The following PPP2R3A variants were observed in gnomAD, a reference collection of about 807,000 sequenced individuals.
PPP2R3A encodes protein phosphatase 2 regulatory subunit B''alpha.
Under a neutral mutation model 106.9 loss-of-function variants are expected in PPP2R3A, and 80 were observed. The ratio of observed to expected loss-of-function variants is 0.75; its 90% confidence interval spans 0.62 to 0.90. The LOEUF is 0.90. Ranked by LOEUF, PPP2R3A falls within the 40% of genes least tolerant of loss-of-function variation. PPP2R3A has a pLI of 0.00. For synonymous variants in PPP2R3A, 483 were observed against 468.3 expected (o/e 1.03, Z -0.41); for missense variants, 1,386 against 1,350.4 (o/e 1.03, Z -0.41).
chr3:135,986,814 C>T (rs980383624), intron 1 of PPP2R3A, among the ~76,000 whole-genome samples: 1 of 152,172 alleles, frequency 6.6e-6, no homozygotes, highest in African/African-American at 2.4e-5. Flanking sequence ...TGTGCATGAA[C>T]ATATGCTTTT....
chr3:136,087,958 A>G, intron 9 of PPP2R3A, 27 bp downstream of exon 9: 2 of 1,563,038 alleles, frequency 1.3e-6, no homozygotes, highest in Non-Finnish European at 1.8e-6. Context: ...TGCTGTGTTT[A>G]AAAATGAACT....
intron 13 of PPP2R3A, among the ~76,000 whole-genome samples, chr3:136,140,129 T>G (rs1938798736): frequency 6.6e-6 from 1 of 152,080 alleles, no homozygotes; most frequent in Non-Finnish European, 1.5e-5. Flanking sequence ...AAATGGCCAG[T>G]TAACAGAAAA....
chr3:136,001,467 T>C lies in PPP2R3A; in HGVS notation c.-32T>C, dbSNP rs1933617144. The stretch of plus-strand genomic sequence containing the variant: ...TTTCATGAAACAAGTTCTAGAAAGT[T>C]CCAAGTCCCACCAGTAAGTGGATTT... On this transcript the variant is annotated 5_prime_UTR_variant, in exon 2 of 14. Transcript: ENST00000264977. 6.4e-7 allele frequency: 1 copy of C among 1,573,112 alleles called. No homozygotes were observed. Among genetic ancestry groups the C allele is most frequent in the Admixed American group, 1.8e-5 (1 of 56,866 alleles).
At chr3:136,092,483 G>T (rs929570883) in intron 10 of PPP2R3A, among the ~76,000 whole-genome samples, 2 of 152,040 alleles carry the variant, frequency 1.3e-5, no homozygotes, top group Non-Finnish European at 2.9e-5. Context: ...TTTTTCGATG[G>T]TTTTTATTTT....
At chr3:136,041,381 C>T (rs142375618) in intron 4 of PPP2R3A, among the ~76,000 whole-genome samples, 1 of 151,648 alleles carries the variant, frequency 6.6e-6, no homozygotes, top group East Asian at 1.9e-4. Context: ...CCTCAGCCTC[C>T]TAAGTAGCTG....
At chr3:136,120,975 TG>T (rs1054976049) in intron 13 of PPP2R3A, among the ~76,000 whole-genome samples, 36 of 152,082 alleles carry the variant, frequency 2.4e-4, no homozygotes, top group African/African-American at 6.0e-4. Context: ...GCACATACAC[TG>T]CTGGTGGATG....
In PPP2R3A at chr3:136,046,747, T is replaced by G. The variant is rs541414536; in HGVS notation, c.2367-2512T>G. ...ATCTCACTAGCTCCCCAGCAATGGT[T>G]GTTAATCAAATTAAAGCAGCTGAAA... On this transcript the variant is annotated intron_variant, in intron 4 of 13. Transcript: ENST00000264977. Among the ~76,000 whole-genome samples, 6 of 152,328 alleles carry G rather than the reference T, an allele frequency of 3.9e-5. No homozygotes were observed. In the South Asian group the frequency reaches 1.2e-3, roughly 32 times the overall value.
At chr3:136,130,281 A>C (rs4431046) in intron 13 of PPP2R3A, among the ~76,000 whole-genome samples, 111,288 of 152,058 alleles carry the variant, frequency 0.73, 41,314 homozygotes, top group East Asian at 0.87. Flanking sequence ...CGTCTCAGCC[A>C]AAAATCTCCT....
In PPP2R3A at chr3:136,003,311, C is replaced by G. The variant is rs771997215; in HGVS notation, c.1813C>G (p.Leu605Val). The change falls in exon 2 of 14, where the codon CTA (leucine) becomes GTA (valine). Residue 605 changes from leucine to valine, a missense_variant. Physicochemically the swap from Leu to Val is conservative, Grantham distance 32 (BLOSUM62 1). Coordinates refer to ENST00000264977, the MANE Select transcript of PPP2R3A (RefSeq NM_002718.5). ...AAGCATTGAAGACTTTGCTCAAGAA[C>G]TAGTTGAATGCAAATCAAGCAGAGG... is the stretch of plus-strand genomic sequence containing the variant. ...LESIEDFAQE[L>V]VECKSSRGSL... 6.2e-7 allele frequency: 1 copy of G among 1,613,946 alleles called. No individual in the cohort carries two copies. The highest frequency in any genetic ancestry group is 1.7e-5 in the Admixed American group (1 of 59,982).
chr3:136,121,646 G>A (rs1938001466), intron 13 of PPP2R3A, among the ~76,000 whole-genome samples: 1 of 151,898 alleles, frequency 6.6e-6, no homozygotes, highest in African/African-American at 2.4e-5. Context: ...AGAGATGAAA[G>A]CTTTAATAAC....
At chr3:136,104,312 G>A (rs879376123) in intron 12 of PPP2R3A, among the ~76,000 whole-genome samples, 10 of 151,938 alleles carry the variant, frequency 6.6e-5, no homozygotes, top group Non-Finnish European at 1.3e-4. Flanking sequence ...GTGTGTGTGT[G>A]TGTGTGTGTG....
chr3:136,137,923 G>C (rs537462371), intron 13 of PPP2R3A, among the ~76,000 whole-genome samples: 1 of 152,220 alleles, frequency 6.6e-6, no homozygotes, highest in East Asian at 1.9e-4. Context: ...AAACCCATTA[G>C]AGCAATCGTC....
chr3:136,040,832 T>A, intron 3 of PPP2R3A, 27 bp from the exon 4 acceptor site: 1 of 1,587,450 alleles, frequency 6.3e-7, no homozygotes, highest in Non-Finnish European at 8.6e-7. Flanking sequence ...CCTGTTGGCT[T>A]ACCCTGTATG....
chr3:136,133,106 GAAA>G (rs1938486608), intron 13 of PPP2R3A, among the ~76,000 whole-genome samples: 2 of 152,036 alleles, frequency 1.3e-5, no homozygotes, highest in Admixed American at 6.5e-5. Flanking sequence ...TAAAACAAAG[GAAA>G]ATCTTTGTGA....
intron 8 of PPP2R3A, among the ~76,000 whole-genome samples, chr3:136,084,688 A>G (rs1936876093): frequency 1.3e-5 from 2 of 152,244 alleles, no homozygotes; most frequent in African/African-American, 4.8e-5. Flanking sequence ...GCTGTACCCT[A>G]CAAAGGCACA....
At position 136,003,040 on chromosome 3, in the gene PPP2R3A, G is replaced by A. The variant is rs769739416; in HGVS notation, c.1542G>A (p.Met514Ile). 3.1e-6 allele frequency: 5 copies of A among 1,613,110 alleles called. No individual in the cohort carries two copies. Among genetic ancestry groups the A allele is most frequent in the Non-Finnish European group, 4.2e-6 (5 of 1,179,746 alleles). ...SSQEEIDKLLMDLESFSQKME... is the reference protein window; with the variant it reads ...SSQEEIDKLLIDLESFSQKME... The stretch of plus-strand genomic sequence containing the variant: ...AGGAAGAGATAGATAAATTGTTAAT[G>A]GATTTGGAATCTTTTTCACAGAAGA... The change falls in exon 2 of 14, where the codon ATG (methionine) becomes ATA (isoleucine). Residue 514 changes from methionine to isoleucine, a missense_variant. Met to Ile is a conservative substitution (Grantham distance 10). Transcript: ENST00000264977.
At chr3:136,087,245 G>C (rs56105644) in intron 8 of PPP2R3A, among the ~76,000 whole-genome samples, 845 of 75,106 alleles carry the variant, frequency 0.011, 8 homozygotes, top group Non-Finnish European at 0.017. Flanking sequence ...CTCTAGTCGT[G>C]TCTCTCTCTC....
intron 2 of PPP2R3A, among the ~76,000 whole-genome samples, chr3:136,008,236 T>TG: frequency 6.6e-6 from 1 of 152,364 alleles, no homozygotes; most frequent in South Asian, 2.1e-4. Flanking sequence ...TAGCCAGTCA[T>TG]GTCACTGAGG....
intron 13 of PPP2R3A, among the ~76,000 whole-genome samples, chr3:136,109,015 T>C (rs1937557983): frequency 6.6e-6 from 1 of 152,040 alleles, no homozygotes; most frequent in African/African-American, 2.4e-5. Flanking sequence ...TGAGCAGCCA[T>C]GGTAGAAAAG....
Sources: gnomAD v4.1 joint callset for allele counts (sites outside exome capture counted in the v4.1 genomes callset) on GRCh38, gnomAD v4.1.1 for gene constraint, MANE v1.5 for transcripts, NCBI Gene and HGNC (gene_info 2026-07-23, HGNC 2026-07-21) for gene names.